The following CWF19L2 variants were observed in gnomAD, a reference collection of about 807,000 sequenced individuals.
CWF19L2 encodes CWF19 like cell cycle control factor 2.
A neutral mutation model predicts 111.7 loss-of-function variants in CWF19L2; 98 were observed. The ratio of observed to expected loss-of-function variants is 0.88; its 90% CI spans 0.75 to 1.04. The LOEUF (loss-of-function observed/expected upper bound fraction) is 1.04, where lower values mean the gene tolerates loss of function less well. Ranked by LOEUF, CWF19L2 falls within the 50% of genes least tolerant of loss-of-function variation. The pLI is 0.00. For missense variants in CWF19L2, 1,101 were observed against 1,051.4 expected, an observed-to-expected ratio of 1.05 and a Z score of -0.65; for synonymous variants, 351 against 342.9, an observed-to-expected ratio of 1.02 and a Z score of -0.26.
chr11:107,358,986 T>A (rs1565251687), intron 12 of CWF19L2, among the ~76,000 whole-genome samples: 1 of 152,196 alleles, frequency 6.6e-6, no homozygotes, highest in Non-Finnish European at 1.5e-5. Flanking sequence ...AGTACAAGGA[T>A]ACTTATCTCC....
Position 107,418,201 on chromosome 11 carries a change from C to A in CWF19L2, c.1520G>T (p.Gly507Val). 1 of 1,589,060 alleles carries A rather than the reference C, an allele frequency of 6.3e-7. No individual in the cohort carries two copies. Residue 507 changes from glycine to valine, a missense_variant, in exon 9 of 18, where the codon GGG (glycine) becomes GTG (valine). Coordinates refer to ENST00000282251, the MANE Select transcript of CWF19L2 (RefSeq NM_152434.3). ...GAKIIKAEMM[G>V]NMELAEQLKV... is the part of the protein sequence containing the mutation. ...AACATCTAAGAGTCTTACCATATTCCCCATCATCTCTGCTTTGATAATCTT... is the reference window on the plus strand; with the variant it reads ...AACATCTAAGAGTCTTACCATATTCACCATCATCTCTGCTTTGATAATCTT...
At chr11:107,341,436 C>A (rs967930710) in intron 14 of CWF19L2, among the ~76,000 whole-genome samples, 2 of 152,080 alleles carry the variant, frequency 1.3e-5, no homozygotes, top group South Asian at 4.1e-4. Flanking sequence ...TTGGTATAAG[C>A]CCTACTTGGA....
chr11:107,362,981 A>G (rs950596419), intron 12 of CWF19L2, among the ~76,000 whole-genome samples: 1 of 152,058 alleles, frequency 6.6e-6, no homozygotes, highest in Non-Finnish European at 1.5e-5. Context: ...TGCTTAAAGG[A>G]GCTGATGGAG....
intron 10 of CWF19L2, chr11:107,403,577 C>T (rs1861037071): frequency 6.3e-6 from 5 of 788,282 alleles, no homozygotes; most frequent in Non-Finnish European, 1.2e-5. Context: ...ATTCTGTTGA[C>T]TCTCTGTCGT....
At chr11:107,353,395 A>G (rs760171636) in intron 13 of CWF19L2, 129 bp downstream of exon 13, 4 of 709,998 alleles carry the variant, frequency 5.6e-6, no homozygotes, top group African/African-American at 3.6e-5. Flanking sequence ...ACGGAGCTTA[A>G]AAATTATTAG....
At chr11:107,367,906 T>C (rs1860455226) in intron 12 of CWF19L2, among the ~76,000 whole-genome samples, 1 of 137,060 alleles carries the variant, frequency 7.3e-6, no homozygotes, top group African/African-American at 2.9e-5. Flanking sequence ...TTTAAACAAA[T>C]GAAACTGCAA....
intron 17 of CWF19L2, among the ~76,000 whole-genome samples, chr11:107,328,234 G>C (rs1859792004): frequency 6.6e-6 from 1 of 152,112 alleles, no homozygotes; most frequent in Non-Finnish European, 1.5e-5. Flanking sequence ...GGAAATAAAG[G>C]GGTCAACAGA....
intron 17 of CWF19L2, among the ~76,000 whole-genome samples, 157 bp from the exon 18 acceptor site, chr11:107,327,210 C>A (rs1223600101): frequency 1.3e-5 from 2 of 152,126 alleles, no homozygotes; most frequent in Admixed American, 1.3e-4. Context: ...AATATGTTTT[C>A]AGTTAATTCT....
At chr11:107,330,689 C>CACACAT (rs58207804) in intron 16 of CWF19L2, among the ~76,000 whole-genome samples, 1,800 of 141,588 alleles carry the variant, frequency 0.013, 97 homozygotes, top group African/African-American at 0.041. Context: ...CACACACACA[C>CACACAT]TTTAAACTAT....
At chr11:107,419,827 C>T (rs561022109) in intron 8 of CWF19L2, among the ~76,000 whole-genome samples, 4 of 151,646 alleles carry the variant, frequency 2.6e-5, no homozygotes, top group South Asian at 2.1e-4. Context: ...ATACATGTAA[C>T]GGAAGATAAC....
At chr11:107,371,416 C>T (rs1348828302) in intron 12 of CWF19L2, among the ~76,000 whole-genome samples, 1 of 137,592 alleles carries the variant, frequency 7.3e-6, no homozygotes, top group Non-Finnish European at 1.6e-5. Flanking sequence ...GAATTAGAAG[C>T]AGGACTCAAG....
intron 12 of CWF19L2, among the ~76,000 whole-genome samples, chr11:107,367,626 A>G (rs12365910): frequency 0.2 from 22,724 of 111,722 alleles, 4,614 homozygotes; most frequent in Middle Eastern, 0.33. Context: ...GAATTGAACA[A>G]TGAGATCACA....
chr11:107,330,180 C>T (rs1859824671), intron 16 of CWF19L2, among the ~76,000 whole-genome samples, 161 bp from the exon 17 acceptor site: 1 of 152,168 alleles, frequency 6.6e-6, no homozygotes, highest in African/African-American at 2.4e-5. Flanking sequence ...AATGACCTAA[C>T]TTTCTGAGTA....
At chr11:107,367,693 G>A (rs1591166579) in intron 12 of CWF19L2, among the ~76,000 whole-genome samples, 2 of 72,296 alleles carry the variant, frequency 2.8e-5, no homozygotes, top group Admixed American at 3.1e-4. Context: ...GGGGGGAGGG[G>A]GGAGGGATAG....
intron 9 of CWF19L2, among the ~76,000 whole-genome samples, 191 bp downstream of exon 9, chr11:107,418,003 G>A (rs1007317431): frequency 2.0e-5 from 3 of 151,992 alleles, no homozygotes; most frequent in African/African-American, 4.8e-5. Context: ...CAAGTGATCC[G>A]CCTGCCTTGG....
chr11:107,389,248 A>AT, intron 12 of CWF19L2, among the ~76,000 whole-genome samples: 1 of 152,266 alleles, frequency 6.6e-6, no homozygotes, highest in African/African-American at 2.4e-5. Flanking sequence ...GAAGTTGGCC[A>AT]TTTTTTTCTG....
In CWF19L2 at chr11:107,373,435, G is replaced by A. The variant is rs1273651347; in HGVS notation, c.1872+16639C>T. The stretch of plus-strand genomic sequence containing the variant: ...GCAGCTGAAGATCTGAGAACGGGCA[G>A]ACTGCCTCCTCAAGTGGGTCCCTGA... On this transcript the variant is annotated intron_variant, in intron 12 of 17. Transcript: ENST00000282251. Among the ~76,000 whole-genome samples, 4 of 136,128 alleles carry A rather than the reference G, an allele frequency of 2.9e-5. 1 individual carries two copies. The highest frequency in any genetic ancestry group is 6.3e-5 in the Non-Finnish European group (4 of 63,722). The allele number at this position is 136,128 out of a possible 152,430, so 89.3% of individuals were successfully genotyped here.
intron 12 of CWF19L2, among the ~76,000 whole-genome samples, chr11:107,358,824 T>C (rs1347239826): frequency 6.6e-6 from 1 of 152,154 alleles, no homozygotes; most frequent in East Asian, 1.9e-4. Flanking sequence ...AGAGTGGCCT[T>C]AGGGACCTCT....
Position 107,336,731 on chromosome 11 carries a change from C to G in CWF19L2, c.2203-18G>C, listed in dbSNP as rs1345047935. 7.9e-7 allele frequency: 1 copy of G among 1,268,420 alleles called. No homozygotes were observed. Among genetic ancestry groups the G allele is most frequent in the South Asian group, 1.5e-5 (1 of 68,754 alleles). 78.6% of individuals were successfully genotyped at this position (1,268,420 alleles called of 1,614,324 possible). ...CTGAACATCTAAAAAAAAAAAAGAA[C>G]TAGGTAAAGAAAACACTTAAAGGAG... On this transcript the variant is annotated intron_variant, in intron 14 of 17. Coordinates refer to ENST00000282251, the MANE Select transcript of CWF19L2 (RefSeq NM_152434.3).
Sources: allele counts gnomAD v4.1 joint callset (sites outside exome capture counted in the v4.1 genomes callset), GRCh38; gene constraint gnomAD v4.1.1; transcripts MANE v1.5; gene names NCBI Gene and HGNC (gene_info 2026-07-23, HGNC 2026-07-21).